PMEPA1: variants seen among roughly 807,000 people sequenced by gnomAD.
PMEPA1 encodes protein TMEPAI.
Under a neutral mutation model 23.0 loss-of-function variants are expected in PMEPA1, and 11 were observed. The ratio of observed to expected loss-of-function variants is 0.48; its 90% confidence interval spans 0.30 to 0.79. The LOEUF is 0.79. PMEPA1 is among the 30% of genes least tolerant of loss of function. The pLI is 0.06. For synonymous variants in PMEPA1, 204 were observed against 166.4 expected (o/e 1.23, Z -1.74); for missense variants, 377 against 390.9 (o/e 0.96, Z 0.30).
intron 1 of PMEPA1, among the ~76,000 whole-genome samples, chr20:57,661,930 A>C (rs113439270): frequency 7.1e-6 from 1 of 139,864 alleles, no homozygotes; most frequent in Non-Finnish European, 1.6e-5. Flanking sequence ...TGCCACCCTC[A>C]GCGCGCCATT....
At chr20:57,709,434 C>A in intron 1 of PMEPA1, 40 bp downstream of exon 1, 1 of 1,075,172 alleles carries the variant, frequency 9.3e-7, no homozygotes, top group Non-Finnish European at 1.1e-6. Flanking sequence ...GGGTCCGAGC[C>A]CGATGGAGTC....
chr20:57,709,451 G>A (rs776562590), intron 1 of PMEPA1, 23 bp downstream of exon 1: 4 of 1,098,622 alleles, frequency 3.6e-6, no homozygotes, highest in Admixed American at 8.0e-5. Flanking sequence ...AGTCTCCGGG[G>A]AGGGGGGCGT....
chr20:57,668,965 G>A (rs1249790258), intron 1 of PMEPA1, among the ~76,000 whole-genome samples: 1 of 151,956 alleles, frequency 6.6e-6, no homozygotes, highest in Admixed American at 6.6e-5. Flanking sequence ...CTGCTTTACT[G>A]ATCTCTGCAG....
At chr20:57,653,229 C>G in intron 2 of PMEPA1, 143 bp from the exon 3 acceptor site, 3 of 717,498 alleles carry the variant, frequency 4.2e-6, no homozygotes, top group Non-Finnish European at 7.3e-6. Context: ...ACCAGCTTCC[C>G]CAGCCCCTGG....
At chr20:57,681,780 G>A (rs996133636) in intron 1 of PMEPA1, among the ~76,000 whole-genome samples, 1 of 152,036 alleles carries the variant, frequency 6.6e-6, no homozygotes, top group African/African-American at 2.4e-5. Flanking sequence ...CCCCCTCAAG[G>A]TGACACGGCC....
rs753385529 is a variant in PMEPA1 at position 57,652,266 on chromosome 20, C to T, written c.651G>A (p.Thr217=). Residue 217 remains threonine, a synonymous_variant, in exon 4 of 4, where the codon ACG becomes ACA. Transcript: ENST00000341744. The surrounding 1 kb of genome is among the most constrained non-coding windows in gnomAD (Gnocchi z 6.1). ...CCATGCGCCCGCCGCTGCCGTAGCA[C>T]GTGGCGCTGATGCCCGAGTTACTGC... The part of the protein sequence containing the change: ...PPSSNSGISA[T]CYGSGGRMEG... 4 of 1,608,580 alleles carry T rather than the reference C, an allele frequency of 2.5e-6. No homozygotes were observed. Among genetic ancestry groups the T allele is most frequent in the African/African-American group, 2.7e-5 (2 of 75,034 alleles).
intron 1 of PMEPA1, among the ~76,000 whole-genome samples, chr20:57,708,633 C>G (rs1172605571): frequency 1.3e-5 from 2 of 152,184 alleles, no homozygotes; most frequent in East Asian, 3.9e-4. Context: ...CAGACTGAAC[C>G]AAGCTGTCCA....
chr20:57,660,122 C>A (rs895378809), intron 1 of PMEPA1, among the ~76,000 whole-genome samples: 29 of 152,264 alleles, frequency 1.9e-4, no homozygotes, highest in African/African-American at 7.0e-4. Flanking sequence ...AAGGCTCGGG[C>A]AGACGGTCAC....
chr20:57,684,557 G>C (rs1033011984), intron 1 of PMEPA1, among the ~76,000 whole-genome samples: 1 of 152,196 alleles, frequency 6.6e-6, no homozygotes, highest in Non-Finnish European at 1.5e-5. Flanking sequence ...CCTCTGCACC[G>C]GTTCCTGTTG....
rs564564295 is a variant in PMEPA1, at chr20:57,705,537, C to T, written c.109+3937G>A. Among the ~76,000 whole-genome samples, 8 of 152,324 alleles carry T rather than the reference C, an allele frequency of 5.3e-5. No individual in the cohort carries two copies. In the East Asian group the frequency reaches 5.8e-4, roughly 11 times the overall value. ...TCTCCTTAGAAAAGCAAATCCAAGA[C>T]GAAAACGGGAAAACTTCATCTCAAG... On this transcript the variant is annotated intron_variant, in intron 1 of 3. Transcript: ENST00000341744.
At chr20:57,666,587 T>C (rs203390) in intron 1 of PMEPA1, among the ~76,000 whole-genome samples, 90,962 of 152,048 alleles carry the variant, frequency 0.6, 28,884 homozygotes, top group African/African-American at 0.83. Flanking sequence ...AGCGGGAGAT[T>C]GAGCCAAGGG....
chr20:57,693,794 G>GTGTC, intron 1 of PMEPA1, among the ~76,000 whole-genome samples: 1 of 152,196 alleles, frequency 6.6e-6, no homozygotes, highest in Non-Finnish European at 1.5e-5. Flanking sequence ...GCGACCTGGG[G>GTGTC]CAGGATACAG....
At chr20:57,676,878 A>AC (rs952151830) in intron 1 of PMEPA1, among the ~76,000 whole-genome samples, 10 of 151,408 alleles carry the variant, frequency 6.6e-5, no homozygotes, top group African/African-American at 2.4e-4. Flanking sequence ...TTGCAAACAC[A>AC]CCCCCCGTCT....
chr20:57,676,849 T>G (rs772473240), intron 1 of PMEPA1, among the ~76,000 whole-genome samples: 5 of 152,194 alleles, frequency 3.3e-5, no homozygotes, highest in Non-Finnish European at 5.9e-5. Flanking sequence ...GTGGCCTCCT[T>G]GTCTCCCTAC....
At chr20:57,710,939 A>T (rs1009942862), upstream of PMEPA1, 1 of 153,554 alleles carries the variant, frequency 6.5e-6, no homozygotes, top group African/African-American at 2.4e-5. Flanking sequence ...TTTAACAGGC[A>T]CTTAAGGAGC....
rs1464857877 is a variant in PMEPA1, at chr20:57,652,673, A to G, written c.319-75T>C. On this transcript the variant is annotated intron_variant, in intron 3 of 3. Coordinates refer to ENST00000341744, the MANE Select transcript of PMEPA1 (RefSeq NM_020182.5). This position sits in a 1 kb window ranked among gnomAD's most constrained non-coding sequence, Gnocchi z 6.1. Reference sequence around the variant, plus strand: ...TGTCCAGAAGCGATCCTGAGACTGGAGTTCTGCTGCATGGGACTTGGCTCT... The same window carrying G: ...TGTCCAGAAGCGATCCTGAGACTGGGGTTCTGCTGCATGGGACTTGGCTCT... 8.1e-7 allele frequency: 1 copy of G among 1,234,100 alleles called. No homozygotes were observed. The highest frequency in any genetic ancestry group is 1.1e-6 in the Non-Finnish European group (1 of 914,944). The allele number at this position is 1,234,100 out of a possible 1,614,324, so 76.4% of individuals were successfully genotyped here.
chr20:57,664,846 C>T (rs1005891320), intron 1 of PMEPA1, among the ~76,000 whole-genome samples: 2 of 152,226 alleles, frequency 1.3e-5, no homozygotes, highest in African/African-American at 2.4e-5. Flanking sequence ...GCAGGGCAGG[C>T]GGCTTCAGGA....
At chr20:57,705,243 C>T (rs535287068) in intron 1 of PMEPA1, among the ~76,000 whole-genome samples, 1 of 152,348 alleles carries the variant, frequency 6.6e-6, no homozygotes, top group Non-Finnish European at 1.5e-5. Flanking sequence ...CTAAACTCAC[C>T]TCGACCCTGG....
Position 57,709,674 on chromosome 20 carries a change from AGGAGGCGCGCGGCGGG to A in PMEPA1, c.-108_-93del, listed in dbSNP as rs2072141797. The A allele has an allele frequency of 3.1e-6, 3 of 973,582 alleles. No individual in the cohort carries two copies. Among genetic ancestry groups the A allele is most frequent in the Non-Finnish European group, 3.6e-6 (3 of 824,018 alleles). 60.3% of individuals were successfully genotyped at this position (973,582 alleles called of 1,614,324 possible). ...CGCCCGGAGCTGGGGCCCCGCATGC[AGGAGGCGCGCGGCGGG>A]GGAGGCGCGCCCCGGCTCGCCGGGC... is the stretch of plus-strand genomic sequence containing the variant. On this transcript the variant is annotated 5_prime_UTR_variant, in exon 1 of 4. Transcript: ENST00000341744.
Sources: gnomAD v4.1 joint callset for allele counts (sites outside exome capture counted in the v4.1 genomes callset) on GRCh38, gnomAD v4.1.1 for gene constraint, Gnocchi (gnomAD v3.1) non-coding constraint, MANE v1.5 for transcripts, NCBI Gene and HGNC (gene_info 2026-07-23, HGNC 2026-07-21) for gene names.